Variants in ARHGAP24 observed in about 807,000 individuals in gnomAD.
ARHGAP24 encodes the protein Rho GTPase activating protein 24.
Under a neutral mutation model 76.4 loss-of-function variants are expected in ARHGAP24, and 50 were observed. The observed-to-expected ratio is 0.65, with a 90% CI of 0.52 to 0.83. The LOEUF (loss-of-function observed/expected upper bound fraction) is 0.83. Among genes scored for constraint, ARHGAP24 ranks in the 40% least tolerant of loss-of-function variants. The pLI is 0.00. For synonymous variants in ARHGAP24, 345 were observed against 323.3 expected, an observed-to-expected ratio of 1.07 and a Z score of -0.72; for missense variants, 930 against 914.2, an observed-to-expected ratio of 1.02 and a Z score of -0.22.
chr4:85,482,488 GC>G lies in ARHGAP24; in HGVS notation c.-21+6930del, dbSNP rs375744407. ...AGCCATGGGAACTGCCTCATGAGGA[GC>G]TCTGAGAACCCCTGCACAACAGGTC... On this transcript the variant is annotated intron_variant, in intron 1 of 9. Coordinates refer to ENST00000395184, the MANE Select transcript of ARHGAP24 (RefSeq NM_001025616.3). Among the ~76,000 whole-genome samples the G allele has an allele frequency of 2.8e-3, 420 of 152,256 alleles. 1 individual carries two copies. The highest frequency in any genetic ancestry group is 8.4e-3 in the African/African-American group (348 of 41,544).
chr4:85,813,741 T>C (rs1251653946), intron 3 of ARHGAP24, among the ~76,000 whole-genome samples: 1 of 150,012 alleles, frequency 6.7e-6, no homozygotes, highest in African/African-American at 2.4e-5. Flanking sequence ...ATATTGTAAA[T>C]ATTGTGAAAT....
At chr4:85,735,511 T>C (rs1476814122) in intron 3 of ARHGAP24, among the ~76,000 whole-genome samples, 1 of 152,216 alleles carries the variant, frequency 6.6e-6, no homozygotes, top group Non-Finnish European at 1.5e-5. Flanking sequence ...TTGACCCAGT[T>C]GATTACTCCT....
chr4:85,884,279 C>A lies in ARHGAP24; in HGVS notation c.269-39369C>A, dbSNP rs115240351. ...CTATGTGATCTTAGAAGATTCCAGT[C>A]CACTTAAACAAGATGCTGAAAAGTT... is the stretch of plus-strand genomic sequence containing the variant. On this transcript the variant is annotated intron_variant, in intron 3 of 9. Coordinates refer to ENST00000395184, the MANE Select transcript of ARHGAP24 (RefSeq NM_001025616.3). Among the ~76,000 whole-genome samples the A allele has an allele frequency of 2.9e-3, 449 of 152,234 alleles. 3 individuals are homozygous for A. The highest frequency in any genetic ancestry group is 0.01 in the African/African-American group (429 of 41,542).
chr4:85,544,715 TAC>T (rs1309506849), intron 1 of ARHGAP24, among the ~76,000 whole-genome samples: 5 of 152,084 alleles, frequency 3.3e-5, no homozygotes, highest in Non-Finnish European at 2.9e-5. Context: ...TATATACACA[TAC>T]ATATATGTAA....
chr4:85,531,223 T>C (rs531034533), intron 1 of ARHGAP24, among the ~76,000 whole-genome samples: 29 of 152,128 alleles, frequency 1.9e-4, no homozygotes, highest in African/African-American at 6.7e-4. Context: ...GAAATGTACA[T>C]CAACTTATGG....
chr4:85,967,971 G>C (rs1738731673), intron 5 of ARHGAP24, among the ~76,000 whole-genome samples: 1 of 152,134 alleles, frequency 6.6e-6, no homozygotes, highest in African/African-American at 2.4e-5. Flanking sequence ...GCGAGGTACA[G>C]AGACAGCCCC....
chr4:85,623,819 T>G (rs932328524), intron 2 of ARHGAP24, among the ~76,000 whole-genome samples: 31 of 151,536 alleles, frequency 2.0e-4, no homozygotes, highest in Non-Finnish European at 3.1e-4. Context: ...CCTTTGTAAG[T>G]TGGATTCCTA....
chr4:85,881,087 T>C (rs1007970104), intron 3 of ARHGAP24, among the ~76,000 whole-genome samples: 8 of 152,166 alleles, frequency 5.3e-5, no homozygotes, highest in African/African-American at 9.7e-5. Flanking sequence ...AAGGGTTACT[T>C]GAACACAGGC....
chr4:85,888,402 GAAAA>G (rs377665282), intron 3 of ARHGAP24, among the ~76,000 whole-genome samples: 1 of 125,188 alleles, frequency 8.0e-6, no homozygotes. Context: ...TTCCTCTCAA[GAAAA>G]AAAAAAAAAA....
At chr4:85,528,104 C>G (rs556520915) in intron 1 of ARHGAP24, among the ~76,000 whole-genome samples, 3 of 151,888 alleles carry the variant, frequency 2.0e-5, no homozygotes, top group Non-Finnish European at 4.4e-5. Context: ...AACACCTAAC[C>G]CTGCGAGAGC....
chr4:85,856,362 A>G (rs1578306067), intron 3 of ARHGAP24, among the ~76,000 whole-genome samples: 1 of 151,978 alleles, frequency 6.6e-6, no homozygotes, highest in African/African-American at 2.4e-5. Flanking sequence ...AGAACATTTG[A>G]TATTTTAATT....
rs1207121529 is a variant in ARHGAP24, at chr4:85,942,143, G to A, written c.469G>A (p.Glu157Lys). 6.2e-7 allele frequency: 1 copy of A among 1,613,968 alleles called. No homozygotes were observed. The highest frequency in any genetic ancestry group is 1.3e-5 in the African/African-American group (1 of 75,002). The change falls in exon 5 of 10, where the codon GAG becomes AAG. Residue 157 changes from glutamate to lysine, a missense_variant. Coordinates refer to ENST00000395184, the MANE Select transcript of ARHGAP24 (RefSeq NM_001025616.3). ...GAACCGTCTGGCTCCGATGTTGGTG[G>A]AGCAGTGCGTGGACTTTATCCGACA... ...YGNRLAPMLV[E>K]QCVDFIRQRG...
intron 2 of ARHGAP24, among the ~76,000 whole-genome samples, chr4:85,612,140 C>T (rs190018671): frequency 2.7e-5 from 4 of 149,538 alleles, no homozygotes; most frequent in African/African-American, 4.9e-5. Flanking sequence ...GTATAGCTGC[C>T]GGGCGCGGTG....
chr4:85,761,857 A>C (rs984647081), intron 3 of ARHGAP24, among the ~76,000 whole-genome samples: 13 of 152,160 alleles, frequency 8.5e-5, no homozygotes, highest in African/African-American at 3.1e-4. Context: ...TCCTGGGAAA[A>C]GCACAGCTTT....
rs138776553 is a variant in ARHGAP24 at position 85,687,924 on chromosome 4, G to A, written c.181-33961G>A. Among the ~76,000 whole-genome samples, 798 of 152,100 alleles carry A rather than the reference G, an allele frequency of 5.2e-3. 6 individuals carry two copies. The highest frequency in any genetic ancestry group is 0.018 in the African/African-American group (754 of 41,474). ...CCTCCCAGGTTCAAGCGATTCTCCT[G>A]CCTCAGCCTCCTGAGTAGTTGGGAT... is the stretch of plus-strand genomic sequence containing the variant. On this transcript the variant is annotated intron_variant, in intron 2 of 9. Transcript: ENST00000395184.
At chr4:85,733,081 T>TTTTTTTTTTTTTA (rs70948746) in intron 3 of ARHGAP24, among the ~76,000 whole-genome samples, 1 of 136,890 alleles carries the variant, frequency 7.3e-6, no homozygotes, top group Non-Finnish European at 1.5e-5. Context: ...TTTTTTTTTT[T>TTTTTTTTTTTTTA]GAGATGGAGT....
chr4:86,002,486 A>C lies in ARHGAP24; in HGVS notation c.*1764A>C, dbSNP rs1486480507. The C allele has an allele frequency of 6.6e-6, 1 of 152,172 alleles. No homozygotes were observed. Among genetic ancestry groups the C allele is most frequent in the South Asian group, 2.1e-4 (1 of 4,830 alleles). 9.4% of individuals were successfully genotyped at this position (152,172 alleles called of 1,614,324 possible). On this transcript the variant is annotated 3_prime_UTR_variant, in exon 10 of 10. Coordinates refer to ENST00000395184, the MANE Select transcript of ARHGAP24 (RefSeq NM_001025616.3). ...ATCTTTTCACCTATTTCCAGTCCTT[A>C]TCATAGTTGATAAAAACCTCAGACT...
intron 3 of ARHGAP24, among the ~76,000 whole-genome samples, chr4:85,811,701 T>C (rs1010347745): frequency 1.3e-5 from 2 of 152,252 alleles, no homozygotes; most frequent in African/African-American, 4.8e-5. Context: ...TCACATATTT[T>C]GTTATTATGT....
At chr4:85,962,754 T>C (rs1326474664) in intron 5 of ARHGAP24, among the ~76,000 whole-genome samples, 1 of 151,452 alleles carries the variant, frequency 6.6e-6, no homozygotes. Context: ...ACTCCCAATC[T>C]AGATCTAGAA....
Sources: gnomAD v4.1 joint callset for allele counts (sites outside exome capture counted in the v4.1 genomes callset) on GRCh38, gnomAD v4.1.1 for gene constraint, MANE v1.5 for transcripts, NCBI Gene and HGNC (gene_info 2026-07-23, HGNC 2026-07-21) for gene names.